Variants in FHIP2A observed in about 807,000 individuals in gnomAD.
The protein encoded by FHIP2A is family with sequence similarity 160 member B1.
A neutral mutation model predicts 93.5 loss-of-function variants in FHIP2A; 46 were observed. The observed-to-expected ratio is 0.49, with a 90% CI of 0.39 to 0.63. The LOEUF (loss-of-function observed/expected upper bound fraction) is 0.63. Ranked by LOEUF, FHIP2A falls within the 20% of genes least tolerant of loss-of-function variation. The pLI is 0.00. For missense variants in FHIP2A, 769 were observed against 909.7 expected (o/e 0.85, Z 1.99); for synonymous variants, 332 against 326.5 (o/e 1.02, Z -0.18).
intron 13 of FHIP2A, among the ~76,000 whole-genome samples, chr10:114,854,192 G>T (rs2083753332): frequency 7.0e-6 from 1 of 143,258 alleles, no homozygotes; most frequent in South Asian, 2.3e-4. Context: ...TTTGTAAAAT[G>T]CAATAAAAAT....
At chr10:114,829,338 G>A (rs1157684052) in intron 1 of FHIP2A, among the ~76,000 whole-genome samples, 1 of 152,008 alleles carries the variant, frequency 6.6e-6, no homozygotes, top group East Asian at 1.9e-4. Flanking sequence ...TGAACTTTCT[G>A]GGGAAAGGGG....
At chr10:114,861,382 TA>T in intron 16 of FHIP2A, 48 bp downstream of exon 16, 1 of 1,613,930 alleles carries the variant, frequency 6.2e-7, no homozygotes, top group Non-Finnish European at 8.5e-7. Flanking sequence ...TCAGTGAACT[TA>T]ATGATCGGCT....
downstream of FHIP2A, among the ~76,000 whole-genome samples, chr10:114,869,210 A>T (rs1278690204): frequency 6.6e-6 from 1 of 152,212 alleles, no homozygotes; most frequent in Admixed American, 6.5e-5. Context: ...TATTCCACTC[A>T]CAAGTAGAAT....
Position 114,863,947 on chromosome 10 carries a change from C to T in FHIP2A, c.*2407C>T, listed in dbSNP as rs144937773. On this transcript the variant is annotated 3_prime_UTR_variant, in exon 17 of 17. Transcript: ENST00000369248. ...TTTGGATTTGTTTTTAGTTATGAGC[C>T]GCATTCTTTACTTGATAGAACTCAG... 1,276 of 1,054,916 alleles carry T rather than the reference C, an allele frequency of 1.2e-3. 12 individuals carry two copies. In the African/African-American group the frequency reaches 0.02, roughly 16 times the overall value. The allele number at this position is 1,054,916 out of a possible 1,614,324, so 65.3% of individuals were successfully genotyped here. A position where few individuals can be genotyped will look rare whatever the true frequency, so the allele number is the denominator to read the frequency against.
At chr10:114,882,518 T>TG (rs754905091) in intron 16 of FHIP2A, among the ~76,000 whole-genome samples, 162 of 152,120 alleles carry the variant, frequency 1.1e-3, no homozygotes, top group Non-Finnish European at 1.7e-3. Flanking sequence ...AGATTTTGTT[T>TG]GGGGGGGTCA....
chr10:114,833,157 A>T, intron 2 of FHIP2A, 76 bp from the exon 3 acceptor site: 2 of 1,155,544 alleles, frequency 1.7e-6, no homozygotes, highest in South Asian at 3.1e-5. Flanking sequence ...AGGAAAAGGG[A>T]AATACAGAGT....
chr10:114,857,403 C>T (rs553135546), intron 14 of FHIP2A, among the ~76,000 whole-genome samples: 17 of 148,178 alleles, frequency 1.1e-4, no homozygotes, highest in East Asian at 3.9e-4. Context: ...CTCTCCCTCC[C>T]GGCTCAAGCG....
chr10:114,842,583 G>A (rs1367317911), intron 5 of FHIP2A, among the ~76,000 whole-genome samples: 1 of 151,694 alleles, frequency 6.6e-6, no homozygotes, highest in Non-Finnish European at 1.5e-5. Flanking sequence ...TGTAGTTACA[G>A]TAGTCCAGTG....
intron 1 of FHIP2A, among the ~76,000 whole-genome samples, chr10:114,827,497 T>C (rs1592012218): frequency 1.3e-5 from 2 of 152,068 alleles, no homozygotes; most frequent in East Asian, 3.9e-4. Context: ...AGCCAGCTGG[T>C]AAAGAGTATC....
intron 16 of FHIP2A, among the ~76,000 whole-genome samples, chr10:114,898,248 G>C (rs2084010270): frequency 6.6e-6 from 1 of 152,150 alleles, no homozygotes; most frequent in Admixed American, 6.5e-5. Context: ...TTTGTCAATA[G>C]AGAGTGCCAT....
downstream of FHIP2A, among the ~76,000 whole-genome samples, chr10:114,869,206 A>G (rs2083845280): frequency 6.6e-6 from 1 of 152,184 alleles, no homozygotes; most frequent in Non-Finnish European, 1.5e-5. Context: ...TCCTTATTCC[A>G]CTCACAAGTA....
intron 3 of FHIP2A, among the ~76,000 whole-genome samples, chr10:114,833,927 G>A (rs759707408): frequency 6.6e-6 from 1 of 152,136 alleles, no homozygotes. Context: ...CCGTGTGGCC[G>A]AGTAAGGGAA....
intron 16 of FHIP2A, chr10:114,899,360 A>G (rs2084015778): frequency 1.7e-6 from 1 of 594,900 alleles, no homozygotes; most frequent in Non-Finnish European, 3.1e-6. Flanking sequence ...ACAAAATAAT[A>G]TGTATTGGTT....
chr10:114,827,232 G>T (rs528070194), intron 1 of FHIP2A, among the ~76,000 whole-genome samples: 1 of 152,314 alleles, frequency 6.6e-6, no homozygotes, highest in South Asian at 2.1e-4. Context: ...AAGAGTTTAA[G>T]ATCATACAGT....
In FHIP2A at chr10:114,835,651, T is replaced by C. The variant is rs201732315; in HGVS notation, c.399+10T>C. ...GCACAGGCCAGTGCAGGTATTTTGT[T>C]CCCCCTACATAAAATCATTTTGTTT... On this transcript the variant is annotated intron_variant, in intron 4 of 16. Transcript: ENST00000369248. 4.2e-6 allele frequency: 6 copies of C among 1,423,040 alleles called. No homozygotes were observed. In the African/African-American group the frequency reaches 5.7e-5, roughly 14 times the overall value. The allele number at this position is 1,423,040 out of a possible 1,614,324, so 88.2% of individuals were successfully genotyped here. A position where few individuals can be genotyped will look rare whatever the true frequency, so the allele number is the denominator to read the frequency against.
intron 13 of FHIP2A, among the ~76,000 whole-genome samples, chr10:114,852,067 A>G (rs929973077): frequency 4.9e-5 from 7 of 142,520 alleles, no homozygotes; most frequent in African/African-American, 1.8e-4. Context: ...ACTCGTTTAA[A>G]CCACCTCCCA....
intron 16 of FHIP2A, among the ~76,000 whole-genome samples, chr10:114,875,567 G>T (rs527807053): frequency 2.0e-5 from 3 of 152,182 alleles, no homozygotes; most frequent in African/African-American, 7.2e-5. Context: ...ATGATGGCGG[G>T]TGCCTGTATT....
chr10:114,881,360 T>C (rs2083916202), intron 16 of FHIP2A, among the ~76,000 whole-genome samples: 1 of 152,074 alleles, frequency 6.6e-6, no homozygotes, highest in African/African-American at 2.4e-5. Flanking sequence ...ATCCCAGTTG[T>C]TTTATCACTT....
chr10:114,898,741 A>ATATTGATTTTGAG (rs2143016852), intron 16 of FHIP2A, among the ~76,000 whole-genome samples: 1 of 152,276 alleles, frequency 6.6e-6, no homozygotes, highest in African/African-American at 2.4e-5. Flanking sequence ...TACAAAAATG[A>ATATTGATTTTGAG]TATTGATTTT....
Sources: allele counts gnomAD v4.1 joint callset (sites outside exome capture counted in the v4.1 genomes callset), GRCh38; gene constraint gnomAD v4.1.1; transcripts MANE v1.5; gene names NCBI Gene and HGNC (gene_info 2026-07-23, HGNC 2026-07-21).